Variants in QKI observed in about 807,000 individuals in gnomAD.
QKI encodes KH domain-containing RNA-binding protein QKI.
Under a neutral mutation model 39.0 loss-of-function variants are expected in QKI, and 10 were observed. The observed-to-expected ratio is 0.26, with a 90% CI of 0.16 to 0.43. The LOEUF is 0.43. Among genes scored for constraint, QKI ranks in the 20% least tolerant of loss-of-function variants. QKI has a pLI of 1.00. For synonymous variants in QKI, 204 were observed against 155.4 expected, an observed-to-expected ratio of 1.31 and a Z score of -2.33; for missense variants, 218 against 428.0, an observed-to-expected ratio of 0.51 and a Z score of 4.33.
chr6:163,488,634 A>G (rs968850152), intron 3 of QKI, among the ~76,000 whole-genome samples: 10 of 152,156 alleles, frequency 6.6e-5, no homozygotes, highest in Admixed American at 6.6e-5. Flanking sequence ...GTTGGTGACA[A>G]TTTTACACTG....
At chr6:163,487,515 TTTAAA>T (rs1777757199) in intron 3 of QKI, among the ~76,000 whole-genome samples, 1 of 152,216 alleles carries the variant, frequency 6.6e-6, no homozygotes, top group Non-Finnish European at 1.5e-5. Context: ...TTAATATGCT[TTTAAA>T]ATAATTTGTT....
intron 6 of QKI, chr6:163,564,264 G>C: frequency 9.8e-7 from 1 of 1,022,146 alleles, no homozygotes; most frequent in Middle Eastern, 4.8e-4. Flanking sequence ...GAATTGCCTT[G>C]TCTGGCAGTT....
intron 4 of QKI, among the ~76,000 whole-genome samples, chr6:163,539,659 T>A (rs1460858158): frequency 6.6e-6 from 1 of 152,184 alleles, no homozygotes; most frequent in Non-Finnish European, 1.5e-5. Context: ...TTAATTAACT[T>A]GTGCATATAT....
chr6:163,477,895 G>T (rs966597692), intron 2 of QKI, among the ~76,000 whole-genome samples: 3 of 152,094 alleles, frequency 2.0e-5, no homozygotes, highest in Non-Finnish European at 4.4e-5. Context: ...ATAAATGCAA[G>T]AAAAAAGTAG....
intron 1 of QKI, among the ~76,000 whole-genome samples, chr6:163,443,741 A>G (rs577949749): frequency 1.2e-4 from 19 of 152,390 alleles, no homozygotes; most frequent in African/African-American, 4.6e-4. Context: ...AACCTATGCT[A>G]CATGATTATA....
At chr6:163,519,411 C>T (rs1780017320) in intron 3 of QKI, among the ~76,000 whole-genome samples, 1 of 151,746 alleles carries the variant, frequency 6.6e-6, no homozygotes, top group South Asian at 2.1e-4. Context: ...TCCTGTGGGC[C>T]TTAAAAAGAG....
At chr6:163,570,069 C>T (rs972491853) in intron 7 of QKI, 2 of 986,064 alleles carry the variant, frequency 2.0e-6, no homozygotes, top group Non-Finnish European at 1.2e-6. Context: ...CGCTTTGTAT[C>T]ATGAGGCCAA....
At chr6:163,524,281 A>T (rs1780333499) in intron 3 of QKI, among the ~76,000 whole-genome samples, 1 of 152,102 alleles carries the variant, frequency 6.6e-6, no homozygotes, top group African/African-American at 2.4e-5. Flanking sequence ...TTTAAAAATA[A>T]TTTTATTTTC....
At chr6:163,437,195 C>G (rs1789369892) in intron 1 of QKI, among the ~76,000 whole-genome samples, 1 of 152,088 alleles carries the variant, frequency 6.6e-6, no homozygotes, top group Non-Finnish European at 1.5e-5. Flanking sequence ...TTTTTACTTT[C>G]AGATGAAAAT....
In QKI at chr6:163,575,865, AGGATG is replaced by A. The variant is rs1783949808; in HGVS notation, c.*5158_*5162del. On this transcript the variant is annotated 3_prime_UTR_variant, in exon 8 of 8. Coordinates refer to ENST00000361752, the MANE Select transcript of QKI (RefSeq NM_006775.3). Reference sequence around the variant, plus strand: ...GACAGCCTAAGGTTTCTTTAGTTTTAGGATGGGGTGGGGTGGGAGTGGTTTTGCAT... The same window carrying A: ...GACAGCCTAAGGTTTCTTTAGTTTTAGGGTGGGGTGGGAGTGGTTTTGCAT... 1 of 152,118 alleles carries A rather than the reference AGGATG, an allele frequency of 6.6e-6. No individual in the cohort carries two copies. Among genetic ancestry groups the A allele is most frequent in the African/African-American group, 2.4e-5 (1 of 41,438 alleles). 9.4% of individuals were successfully genotyped at this position (152,118 alleles called of 1,614,324 possible). A position where few individuals can be genotyped will look rare whatever the true frequency, so the allele number is the denominator to read the frequency against.
chr6:163,465,626 C>CAAAA (rs35130458), intron 2 of QKI, among the ~76,000 whole-genome samples: 1 of 95,772 alleles, frequency 1.0e-5, no homozygotes, highest in Non-Finnish European at 2.3e-5. Context: ...AAGACTGTCT[C>CAAAA]AAAAAAAAAA....
rs189205254 is a variant in QKI, at chr6:163,510,457, A to C, written c.403-24525A>C. Among the ~76,000 whole-genome samples the C allele has an allele frequency of 2.7e-4, 41 of 151,572 alleles. No homozygotes were observed. In the East Asian group the frequency reaches 7.2e-3, roughly 27 times the overall value. ...ATCCCTATAACCCCAGCTACTTGGGAGGCTGAGGCAGGAGAATTGCTTCAA... is the reference window on the plus strand; with the variant it reads ...ATCCCTATAACCCCAGCTACTTGGGCGGCTGAGGCAGGAGAATTGCTTCAA... On this transcript the variant is annotated intron_variant, in intron 3 of 7. Coordinates refer to ENST00000361752, the MANE Select transcript of QKI (RefSeq NM_006775.3).
intron 1 of QKI, among the ~76,000 whole-genome samples, chr6:163,437,247 A>C (rs1789375938): frequency 6.6e-6 from 1 of 152,242 alleles, no homozygotes; most frequent in East Asian, 1.9e-4. Context: ...AAGCTAGAAT[A>C]AGGTATATAC....
In QKI at chr6:163,575,957, C is replaced by T. The variant is rs1411222995; in HGVS notation, c.*5247C>T. ...ATAAGAAGTAGCTGTTACAGCATTT[C>T]AAGCAAATTATTTTAGGTAGAATAG... is the stretch of plus-strand genomic sequence containing the variant. On this transcript the variant is annotated 3_prime_UTR_variant, in exon 8 of 8. Transcript: ENST00000361752. The T allele has an allele frequency of 6.6e-6, 1 of 152,108 alleles. No homozygotes were observed. The highest frequency in any genetic ancestry group is 2.4e-5 in the African/African-American group (1 of 41,408). The allele number at this position is 152,108 out of a possible 1,614,324, so 9.4% of individuals were successfully genotyped here.
intron 3 of QKI, among the ~76,000 whole-genome samples, chr6:163,533,317 A>G (rs1030730531): frequency 2.0e-5 from 3 of 152,124 alleles, no homozygotes; most frequent in Admixed American, 1.3e-4. Flanking sequence ...TTCTTGATTC[A>G]TTGACTCCTT....
intron 3 of QKI, among the ~76,000 whole-genome samples, chr6:163,499,646 C>T (rs1340482061): frequency 6.6e-6 from 1 of 152,168 alleles, no homozygotes; most frequent in Admixed American, 6.6e-5. Flanking sequence ...TCTGTGTTGT[C>T]AATCCTGTCC....
chr6:163,551,868 TACTC>T (rs962674958), intron 4 of QKI, among the ~76,000 whole-genome samples: 52 of 152,326 alleles, frequency 3.4e-4, no homozygotes, highest in African/African-American at 1.2e-3. Flanking sequence ...GTAAGTTTAA[TACTC>T]ACAGTTAACT....
chr6:163,443,035 A>C (rs1789874065), intron 1 of QKI, among the ~76,000 whole-genome samples: 1 of 152,186 alleles, frequency 6.6e-6, no homozygotes. Flanking sequence ...GACATGACTT[A>C]GATTTTCTGA....
intron 3 of QKI, among the ~76,000 whole-genome samples, chr6:163,534,263 A>G (rs546912368): frequency 6.6e-6 from 1 of 152,308 alleles, no homozygotes; most frequent in East Asian, 1.9e-4. Context: ...TGAAACTAGT[A>G]TTTATGACTT....
Sources: gnomAD v4.1 joint callset for allele counts (sites outside exome capture counted in the v4.1 genomes callset) on GRCh38, gnomAD v4.1.1 for gene constraint, MANE v1.5 for transcripts, NCBI Gene and HGNC (gene_info 2026-07-23, HGNC 2026-07-21) for gene names.